SLC28A3: variants seen among roughly 807,000 people sequenced by gnomAD.
The protein encoded by SLC28A3 is solute carrier family 28 member 3.
SLC28A3 carries 68 observed loss-of-function variants against 84.2 expected under a neutral mutation model. That is an observed-to-expected ratio of 0.81 (90% CI 0.66 to 0.99). The LOEUF is 0.99. Ranked by LOEUF, SLC28A3 falls within the 50% of genes least tolerant of loss-of-function variation. The probability of loss-of-function intolerance (pLI) is 0.00; values close to 1 mark genes in which losing one functional copy is unlikely to be tolerated. For missense variants in SLC28A3, 712 were observed against 841.5 expected, an observed-to-expected ratio of 0.85 and a Z score of 1.90; for synonymous variants, 267 against 303.6, an observed-to-expected ratio of 0.88 and a Z score of 1.25.
chr9:84,365,404 C>G, the SLC28A3 span, among the ~76,000 whole-genome samples: 37 of 152,048 alleles, frequency 2.4e-4, no homozygotes, highest in Non-Finnish European at 2.9e-4. Flanking sequence ...GTTTGAGCTC[C>G]TTATATATGC....
intron 5 of SLC28A3, among the ~76,000 whole-genome samples, chr9:84,301,072 G>T (rs1394965208): frequency 2.6e-5 from 4 of 151,950 alleles, no homozygotes; most frequent in African/African-American, 9.7e-5. Flanking sequence ...AAAATAGGCT[G>T]GGCACAGTGG....
At position 84,331,975 on chromosome 9, in the gene SLC28A3, G is replaced by A. The variant is rs553540865; in HGVS notation, c.60+8599C>T. ...AAAGGTTCTTTTTTAAAGCAATGTTGATGATCACTGAGTGGTGTTAAAAGT... is the reference window on the plus strand; with the variant it reads ...AAAGGTTCTTTTTTAAAGCAATGTTAATGATCACTGAGTGGTGTTAAAAGT... On this transcript the variant is annotated intron_variant, in intron 1 of 17. Coordinates refer to ENST00000376238, the MANE Select transcript of SLC28A3 (RefSeq NM_001199633.2). 1.7e-3 allele frequency among the ~76,000 whole-genome samples: 265 copies of A among 152,266 alleles called. 2 individuals carry two copies. The highest frequency in any genetic ancestry group is 3.1e-3 in the Non-Finnish European group (209 of 68,026).
chr9:84,305,494 T>C, intron 3 of SLC28A3, 149 bp from the exon 4 acceptor site: 1 of 695,694 alleles, frequency 1.4e-6, no homozygotes, highest in Non-Finnish European at 2.5e-6. Context: ...AATGGGAAAC[T>C]CATTTCATTT....
intron 11 of SLC28A3, 137 bp from the exon 12 acceptor site, chr9:84,288,315 T>A (rs1825079353): frequency 7.7e-7 from 1 of 1,294,290 alleles, no homozygotes; most frequent in African/African-American, 1.5e-5. Context: ...TCTTTGGAGG[T>A]CTGGAAGAGC....
intron 1 of SLC28A3, among the ~76,000 whole-genome samples, chr9:84,318,861 C>A (rs1826263283): frequency 6.6e-6 from 1 of 151,144 alleles, no homozygotes; most frequent in South Asian, 2.1e-4. Context: ...AAAAGTGAAA[C>A]CCTGTCTCAG....
chr9:84,362,276 G>A, the SLC28A3 span, among the ~76,000 whole-genome samples: 1 of 152,120 alleles, frequency 6.6e-6, no homozygotes, highest in Non-Finnish European at 1.5e-5. Flanking sequence ...AGATGCTACT[G>A]GACACACAAG....
At chr9:84,346,531 A>T in the SLC28A3 span, among the ~76,000 whole-genome samples, 3 of 152,228 alleles carry the variant, frequency 2.0e-5, no homozygotes, top group African/African-American at 7.2e-5. Context: ...TGTCTATACA[A>T]CTTGAAGTAG....
chr9:84,354,358 G>T, the SLC28A3 span, among the ~76,000 whole-genome samples: 1 of 152,308 alleles, frequency 6.6e-6, no homozygotes, highest in Admixed American at 6.5e-5. Flanking sequence ...AAGCCTGGCT[G>T]GTAAATACCA....
At chr9:84,339,262 T>G (rs1827079559) in intron 1 of SLC28A3, among the ~76,000 whole-genome samples, 1 of 152,158 alleles carries the variant, frequency 6.6e-6, no homozygotes, top group South Asian at 2.1e-4. Flanking sequence ...TTATTATTAT[T>G]TTTTTGAGAC....
At chr9:84,361,760 A>G in the SLC28A3 span, among the ~76,000 whole-genome samples, 4 of 151,830 alleles carry the variant, frequency 2.6e-5, no homozygotes, top group African/African-American at 9.7e-5. Flanking sequence ...AAAAAAAAAA[A>G]TAATAAGCTG....
chr9:84,321,325 A>T (rs184107577), intron 1 of SLC28A3, among the ~76,000 whole-genome samples: 1 of 152,236 alleles, frequency 6.6e-6, no homozygotes, highest in East Asian at 1.9e-4. Flanking sequence ...TCAGACTGCA[A>T]GGTGATTATA....
chr9:84,365,578 A>G, the SLC28A3 span, among the ~76,000 whole-genome samples: 1 of 152,188 alleles, frequency 6.6e-6, no homozygotes. Flanking sequence ...TTTCGCCCAT[A>G]ACAATGTCCT....
upstream of SLC28A3, among the ~76,000 whole-genome samples, chr9:84,344,243 G>A (rs1427993356): frequency 7.0e-6 from 1 of 143,152 alleles, no homozygotes; most frequent in African/African-American, 2.7e-5. Context: ...AGGCTGGAGT[G>A]CAGTGGCAGA....
intron 1 of SLC28A3, among the ~76,000 whole-genome samples, chr9:84,334,636 T>G (rs554075609): frequency 6.6e-6 from 1 of 152,044 alleles, no homozygotes; most frequent in Admixed American, 6.6e-5. Context: ...GAATTTTTTT[T>G]TTTTTAACAT....
At chr9:84,301,369 A>AAAAAAAG (rs753889714) in intron 5 of SLC28A3, among the ~76,000 whole-genome samples, 1,933 of 131,932 alleles carry the variant, frequency 0.015, 141 homozygotes, top group East Asian at 0.15. Flanking sequence ...AAAAAAAAAA[A>AAAAAAAG]AAAAAGAAAA....
At chr9:84,315,925 T>G (rs750210273) in intron 1 of SLC28A3, among the ~76,000 whole-genome samples, 12 of 152,248 alleles carry the variant, frequency 7.9e-5, no homozygotes, top group Admixed American at 3.3e-4. Context: ...TGGTAAAATC[T>G]ATCCCTCTGT....
intron 1 of SLC28A3, among the ~76,000 whole-genome samples, chr9:84,314,576 A>C (rs1409709081): frequency 1.3e-5 from 2 of 150,908 alleles, no homozygotes; most frequent in Non-Finnish European, 3.0e-5. Flanking sequence ...ACTTACTGAA[A>C]CACAAGAATG....
chr9:84,345,646 AC>A (rs1827237525), upstream of SLC28A3, among the ~76,000 whole-genome samples: 1 of 152,190 alleles, frequency 6.6e-6, no homozygotes, highest in Non-Finnish European at 1.5e-5. Flanking sequence ...ATTAAAAGAT[AC>A]AGTGACCTCC....
At chr9:84,361,640 C>A in the SLC28A3 span, among the ~76,000 whole-genome samples, 68 of 152,018 alleles carry the variant, frequency 4.5e-4, no homozygotes, top group African/African-American at 1.6e-3. Context: ...ACTGCCTGGG[C>A]GTGATAAACC....
Sources: gnomAD v4.1 joint callset for allele counts (sites outside exome capture counted in the v4.1 genomes callset) on GRCh38, gnomAD v4.1.1 for gene constraint, MANE v1.5 for transcripts, NCBI Gene and HGNC (gene_info 2026-07-23, HGNC 2026-07-21) for gene names.